CIZ1: variants seen among roughly 807,000 people sequenced by gnomAD.
CIZ1 encodes cip1-interacting zinc finger protein.
CIZ1 carries 58 observed loss-of-function variants against 118.6 expected under a neutral mutation model. That is an observed-to-expected ratio of 0.49 (90% confidence interval 0.40 to 0.61). CIZ1 has a LOEUF of 0.61. Ranked by LOEUF, CIZ1 falls within the 20% of genes least tolerant of loss-of-function variation. CIZ1 has a pLI of 0.00. For synonymous variants in CIZ1, 448 were observed against 443.4 expected, an observed-to-expected ratio of 1.01 and a Z score of -0.13; for missense variants, 921 against 1,115.9, an observed-to-expected ratio of 0.83 and a Z score of 2.49.
At chr9:128,171,556 T>C (rs963334390) in intron 11 of CIZ1, among the ~76,000 whole-genome samples, 1 of 147,190 alleles carries the variant, frequency 6.8e-6, no homozygotes, top group Non-Finnish European at 1.5e-5. Flanking sequence ...TGAAACCCCA[T>C]CTCTACTAAG....
upstream of CIZ1, among the ~76,000 whole-genome samples, chr9:128,196,627 CAG>C (rs1234653088): frequency 6.6e-6 from 1 of 151,934 alleles, no homozygotes; most frequent in East Asian, 1.9e-4. Flanking sequence ...TTATTTGAGA[CAG>C]AGTCTCGCTC....
At chr9:128,186,712 G>A (rs1319330597) in intron 4 of CIZ1, among the ~76,000 whole-genome samples, 1 of 151,846 alleles carries the variant, frequency 6.6e-6, no homozygotes. Context: ...CTCCCCACAT[G>A]TCCCCACTAT....
In CIZ1 at chr9:128,166,782, G is replaced by A. The variant is rs778535511; in HGVS notation, c.2464C>T (p.Leu822=). The A allele has an allele frequency of 6.8e-6, 11 of 1,614,118 alleles. No homozygotes were observed. The African/African-American group carries it at 8.0e-5, about 12-fold the overall frequency. The change falls in exon 16 of 17, where the codon CTG becomes TTG. Residue 822 remains leucine, a synonymous_variant. Coordinates refer to ENST00000372938, the MANE Select transcript of CIZ1 (RefSeq NM_001131016.2). The surrounding 1 kb of genome is among the most constrained non-coding windows in gnomAD (Gnocchi z 4.4). ...ACCTGCAGGTTCTCAAAGTGGCCCAGGGACTTGCAGTGGGAGAGCTGTGCC... is the reference window on the plus strand; with the variant it reads ...ACCTGCAGGTTCTCAAAGTGGCCCAAGGACTTGCAGTGGGAGAGCTGTGCC... ...SGAQLSHCKS[L]GHFENLQKYK...
intron 10 of CIZ1, 38 bp downstream of exon 10, chr9:128,177,528 G>GCGCCCCCCCA: frequency 8.6e-7 from 1 of 1,164,644 alleles, no homozygotes; most frequent in South Asian, 1.9e-5. Flanking sequence ...TTCCACGCAG[G>GCGCCCCCCCA]CCCCACCCCT....
chr9:128,196,488 C>T (rs1260386537), upstream of CIZ1, among the ~76,000 whole-genome samples: 1 of 150,830 alleles, frequency 6.6e-6, no homozygotes, highest in Non-Finnish European at 1.5e-5. Flanking sequence ...GTCAAGTCTA[C>T]AGTGAGCCAC....
At chr9:128,173,764 T>C (rs1588143538) in intron 11 of CIZ1, among the ~76,000 whole-genome samples, 1 of 151,872 alleles carries the variant, frequency 6.6e-6, no homozygotes, top group African/African-American at 2.4e-5. Context: ...CCCAGCACTT[T>C]GGGAGGCCAA....
At chr9:128,192,089 C>A (rs1833212935), upstream of CIZ1, 3 of 474,506 alleles carry the variant, frequency 6.3e-6, no homozygotes, top group Admixed American at 8.7e-5. Context: ...AGGGTCGAGG[C>A]CAATTATCAA....
intron 5 of CIZ1, among the ~76,000 whole-genome samples, chr9:128,184,319 C>G (rs928774402): frequency 6.6e-6 from 1 of 152,020 alleles, no homozygotes; most frequent in Non-Finnish European, 1.5e-5. Context: ...TGTAAAATGC[C>G]TCATTTTTTA....
At position 128,169,363 on chromosome 9, in the gene CIZ1, T is replaced by C. The variant is rs559214464; in HGVS notation, c.2145+43A>G. 5.1e-6 allele frequency: 8 copies of C among 1,555,118 alleles called. No homozygotes were observed. In the East Asian group the frequency reaches 1.1e-4, roughly 22 times the overall value. ...TGCTACACAGCCTTGGCCAAGGCTC[T>C]GTACCTCTCTGGGCCCATGTCCTCT... On this transcript the variant is annotated intron_variant, in intron 13 of 16. Coordinates refer to ENST00000372938, the MANE Select transcript of CIZ1 (RefSeq NM_001131016.2).
chr9:128,187,121 G>T (rs2131005454), intron 4 of CIZ1, among the ~76,000 whole-genome samples: 1 of 152,180 alleles, frequency 6.6e-6, no homozygotes, highest in Admixed American at 6.5e-5. Context: ...TGTATTTTTA[G>T]TAGAGACAGG....
chr9:128,173,701 G>C (rs1472906411), intron 11 of CIZ1, among the ~76,000 whole-genome samples: 1 of 152,116 alleles, frequency 6.6e-6, no homozygotes, highest in Non-Finnish European at 1.5e-5. Context: ...TCACGTCTGA[G>C]GCTGCCCAGA....
At position 128,177,521 on chromosome 9, in the gene CIZ1, C is replaced by T. The variant is rs528720136; in HGVS notation, c.1818+45G>A. The stretch of plus-strand genomic sequence containing the variant: ...TCTTGGGAGGGCAGGCTGGGCATTC[C>T]ACGCAGGCCCCACCCCTCCCCACCC... On this transcript the variant is annotated intron_variant, in intron 10 of 16. Transcript: ENST00000372938. 6 of 1,250,020 alleles carry T rather than the reference C, an allele frequency of 4.8e-6. No individual in the cohort carries two copies. The African/African-American group carries it at 9.0e-5, about 19-fold the overall frequency. The allele number at this position is 1,250,020 out of a possible 1,614,324, so 77.4% of individuals were successfully genotyped here.
chr9:128,195,520 G>A (rs1833355873), upstream of CIZ1, among the ~76,000 whole-genome samples: 2 of 152,052 alleles, frequency 1.3e-5, no homozygotes, highest in Non-Finnish European at 2.9e-5. Context: ...GTTCCACCAT[G>A]TTGACTAGGC....
Position 128,191,009 on chromosome 9 carries a change from G to T in CIZ1, c.-5-147C>A. 8.1e-7 allele frequency: 1 copy of T among 1,228,324 alleles called. No individual in the cohort carries two copies. The highest frequency in any genetic ancestry group is 1.1e-6 in the Non-Finnish European group (1 of 910,950). The allele number at this position is 1,228,324 out of a possible 1,614,324, so 76.1% of individuals were successfully genotyped here. ...GCATTCCCAGTCCTGCCAAGAGCCTGCCACACTCGCTTGGCCCATCCTTCC... is the reference window on the plus strand; with the variant it reads ...GCATTCCCAGTCCTGCCAAGAGCCTTCCACACTCGCTTGGCCCATCCTTCC... On this transcript the variant is annotated intron_variant, in intron 1 of 16. Coordinates refer to ENST00000372938, the MANE Select transcript of CIZ1 (RefSeq NM_001131016.2). The surrounding 1 kb of genome is among the most constrained non-coding windows in gnomAD (Gnocchi z 5.5).
chr9:128,166,961 C>T lies in CIZ1; in HGVS notation c.2366-81G>A, dbSNP rs1829507679. ...CTCCCTCTCTAGGGGCCCATGTGCTCCCCAACCCTCTAGGCAGGGGCAGAA... is the reference window on the plus strand; with the variant it reads ...CTCCCTCTCTAGGGGCCCATGTGCTTCCCAACCCTCTAGGCAGGGGCAGAA... On this transcript the variant is annotated intron_variant, in intron 15 of 16. Transcript: ENST00000372938. This position sits in a 1 kb window ranked among gnomAD's most constrained non-coding sequence, Gnocchi z 4.4. 1.2e-6 allele frequency: 2 copies of T among 1,610,578 alleles called. No homozygotes were observed. Among genetic ancestry groups the T allele is most frequent in the Non-Finnish European group, 1.7e-6 (2 of 1,177,774 alleles).
At chr9:128,195,504 G>A (rs1054828394), upstream of CIZ1, among the ~76,000 whole-genome samples, 3 of 152,076 alleles carry the variant, frequency 2.0e-5, no homozygotes, top group African/African-American at 7.2e-5. Flanking sequence ...TTTCAGTAGA[G>A]ATGGGGTTCC....
rs45554542 is a variant in CIZ1 at position 128,187,221 on chromosome 9, G to A, written c.358+642C>T. Among the ~76,000 whole-genome samples, 345 of 152,270 alleles carry A rather than the reference G, an allele frequency of 2.3e-3. 8 individuals are homozygous for A. In the East Asian group the frequency reaches 0.04, roughly 18 times the overall value. On this transcript the variant is annotated intron_variant, in intron 4 of 16. Coordinates refer to ENST00000372938, the MANE Select transcript of CIZ1 (RefSeq NM_001131016.2). Reference sequence around the variant, plus strand: ...CTACCAAAGTGCTGGGATTACAGGCGTGAGCCACCACATCCAGCTCCTTAT... The same window carrying A: ...CTACCAAAGTGCTGGGATTACAGGCATGAGCCACCACATCCAGCTCCTTAT...
upstream of CIZ1, among the ~76,000 whole-genome samples, chr9:128,194,329 T>A (rs1588279056): frequency 8.2e-6 from 1 of 122,422 alleles, no homozygotes; most frequent in African/African-American, 3.4e-5. Context: ...ACCATTGCAC[T>A]CCAGCCTGGG....
intron 5 of CIZ1, among the ~76,000 whole-genome samples, chr9:128,181,211 G>A (rs1831566776): frequency 6.6e-6 from 1 of 152,074 alleles, no homozygotes; most frequent in South Asian, 2.1e-4. Flanking sequence ...TGCCTCCTGG[G>A]TTCAAGCAAT....
Sources: gnomAD v4.1 joint callset for allele counts (sites outside exome capture counted in the v4.1 genomes callset) on GRCh38, gnomAD v4.1.1 for gene constraint, Gnocchi (gnomAD v3.1) non-coding constraint, MANE v1.5 for transcripts, NCBI Gene and HGNC (gene_info 2026-07-23, HGNC 2026-07-21) for gene names.